Variants in PDGFRL observed in about 807,000 individuals in gnomAD.
PDGFRL encodes the protein platelet derived growth factor receptor like.
In PDGFRL, 46 loss-of-function variants were observed where a neutral mutation model predicts 37.2. That is an observed-to-expected ratio of 1.24 (90% CI 0.98 to 1.58). The LOEUF (loss-of-function observed/expected upper bound fraction) is 1.58. PDGFRL is among the 40% of genes most tolerant of loss of function. The pLI, the probability that PDGFRL is intolerant of heterozygous loss-of-function variation, is 0.00. For missense variants in PDGFRL, 692 were observed against 467.6 expected (o/e 1.48, Z -4.43); for synonymous variants, 251 against 184.3 (o/e 1.36, Z -2.93).
intron 2 of PDGFRL, among the ~76,000 whole-genome samples, chr8:17,598,394 A>G (rs1804097676): frequency 6.6e-6 from 1 of 152,158 alleles, no homozygotes; most frequent in African/African-American, 2.4e-5. Flanking sequence ...CTTGAGGGCA[A>G]ATAACACATC....
intron 2 of PDGFRL, among the ~76,000 whole-genome samples, chr8:17,598,862 C>G (rs1804107260): frequency 6.6e-6 from 1 of 152,170 alleles, no homozygotes; most frequent in South Asian, 2.1e-4. Context: ...AAACCCATTT[C>G]TCTTGGTGCT....
intron 2 of PDGFRL, among the ~76,000 whole-genome samples, chr8:17,617,107 G>A (rs539029403): frequency 5.9e-5 from 9 of 152,302 alleles, no homozygotes; most frequent in Non-Finnish European, 1.2e-4. Flanking sequence ...CCAGGGGAGC[G>A]TGTTGGAAGC....
At chr8:17,586,928 C>T (rs551160869) in intron 1 of PDGFRL, among the ~76,000 whole-genome samples, 57 of 152,274 alleles carry the variant, frequency 3.7e-4, no homozygotes, top group South Asian at 1.7e-3. Flanking sequence ...ATAAATTATA[C>T]GATGCAATAG....
intron 4 of PDGFRL, among the ~76,000 whole-genome samples, chr8:17,632,535 C>T (rs1421637456): frequency 6.6e-6 from 1 of 152,128 alleles, no homozygotes; most frequent in Admixed American, 6.6e-5. Flanking sequence ...TGGGGTTTTA[C>T]CATGTTGGCC....
At chr8:17,630,859 C>G (rs907675988) in intron 4 of PDGFRL, among the ~76,000 whole-genome samples, 1 of 152,154 alleles carries the variant, frequency 6.6e-6, no homozygotes, top group African/African-American at 2.4e-5. Flanking sequence ...CCCATGCAGC[C>G]TCGCCTTCTC....
At chr8:17,638,590 G>A (rs1426712622) in intron 5 of PDGFRL, among the ~76,000 whole-genome samples, 5 of 151,230 alleles carry the variant, frequency 3.3e-5, no homozygotes, top group African/African-American at 1.2e-4. Context: ...TAAATCCATT[G>A]TTTCTTTGTT....
chr8:17,590,253 A>AAAAAAAAAC (rs1356419901), intron 2 of PDGFRL, among the ~76,000 whole-genome samples: 1 of 144,542 alleles, frequency 6.9e-6, no homozygotes, highest in African/African-American at 2.6e-5. Flanking sequence ...AAAAAAAAAA[A>AAAAAAAAAC]AAATTGCAAA....
At chr8:17,630,218 C>G (rs67123250) in intron 4 of PDGFRL, among the ~76,000 whole-genome samples, 4,620 of 152,290 alleles carry the variant, frequency 0.03, 112 homozygotes, top group South Asian at 0.066. Context: ...CAAATTCCCG[C>G]CTCATTCTCT....
chr8:17,633,532 TAGAC>T (rs569109368), intron 4 of PDGFRL, among the ~76,000 whole-genome samples: 75 of 152,248 alleles, frequency 4.9e-4, no homozygotes, highest in Admixed American at 9.8e-4. Flanking sequence ...TCTAAATAAA[TAGAC>T]AGCTTGTTGA....
At chr8:17,577,364 C>G in intron 1 of PDGFRL, 57 bp downstream of exon 1, 1 of 1,442,970 alleles carries the variant, frequency 6.9e-7, no homozygotes, top group Non-Finnish European at 9.6e-7. Flanking sequence ...AGCCGGGACC[C>G]GAAGCCCCCG....
At chr8:17,576,775 G>T, upstream of PDGFRL, 1 of 716,566 alleles carries the variant, frequency 1.4e-6, no homozygotes, top group Non-Finnish European at 1.7e-6. Context: ...GTGCATGTGG[G>T]GGAGAGAAAT....
At chr8:17,615,985 C>G (rs1204597670) in intron 2 of PDGFRL, among the ~76,000 whole-genome samples, 1 of 152,140 alleles carries the variant, frequency 6.6e-6, no homozygotes, top group African/African-American at 2.4e-5. Context: ...GTTTACGGAG[C>G]TTGGCAGCGT....
intron 1 of PDGFRL, among the ~76,000 whole-genome samples, chr8:17,583,738 T>C (rs1803756894): frequency 6.6e-6 from 1 of 152,142 alleles, no homozygotes; most frequent in Non-Finnish European, 1.5e-5. Flanking sequence ...GCGTGAGTTC[T>C]TGCTCCACTA....
At chr8:17,576,458 G>A (rs887067716), upstream of PDGFRL, 1 of 153,250 alleles carries the variant, frequency 6.5e-6, no homozygotes, top group Non-Finnish European at 1.5e-5. Flanking sequence ...TCAGAGGAGC[G>A]AGGATGTGGC....
At chr8:17,592,899 C>G (rs908641079) in intron 2 of PDGFRL, among the ~76,000 whole-genome samples, 1 of 148,514 alleles carries the variant, frequency 6.7e-6, no homozygotes, top group African/African-American at 2.5e-5. Context: ...ATTTGTCCTT[C>G]TTAAACCCAC....
intron 1 of PDGFRL, among the ~76,000 whole-genome samples, chr8:17,581,540 G>A (rs1266015451): frequency 6.6e-6 from 1 of 152,140 alleles, no homozygotes; most frequent in African/African-American, 2.4e-5. Context: ...TGGGAGGTAG[G>A]GCCTCATGGG....
At chr8:17,599,657 G>A (rs890609456) in intron 2 of PDGFRL, among the ~76,000 whole-genome samples, 6 of 152,130 alleles carry the variant, frequency 3.9e-5, no homozygotes, top group African/African-American at 1.4e-4. Context: ...ACGTTTGCTT[G>A]GCAAAATCAA....
At chr8:17,641,349 G>C (rs1230697374) in intron 5 of PDGFRL, among the ~76,000 whole-genome samples, 1 of 152,222 alleles carries the variant, frequency 6.6e-6, no homozygotes, top group East Asian at 1.9e-4. Context: ...TCAGCTAGAA[G>C]TTTCCTTCTC....
chr8:17,613,482 G>C (rs922467541), intron 2 of PDGFRL, among the ~76,000 whole-genome samples: 1 of 152,182 alleles, frequency 6.6e-6, no homozygotes, highest in Non-Finnish European at 1.5e-5. Context: ...CCAAGAATAG[G>C]ACCTGCAGGG....
Sources: gnomAD v4.1 joint callset for allele counts (sites outside exome capture counted in the v4.1 genomes callset) on GRCh38, gnomAD v4.1.1 for gene constraint, MANE v1.5 for transcripts, NCBI Gene and HGNC (gene_info 2026-07-23, HGNC 2026-07-21) for gene names.